GRM8: variants seen among roughly 807,000 people sequenced by gnomAD.
GRM8 encodes metabotropic glutamate receptor 8.
A neutral mutation model predicts 87.2 loss-of-function variants in GRM8; 47 were observed. The observed-to-expected ratio is 0.54, with a 90% CI of 0.43 to 0.69. The LOEUF (loss-of-function observed/expected upper bound fraction) is 0.69. Among genes scored for constraint, GRM8 ranks in the 30% least tolerant of loss-of-function variants. The pLI, the probability that GRM8 is intolerant of heterozygous loss-of-function variation, is 0.00. For missense variants in GRM8, 1,019 were observed against 1,139.2 expected (o/e 0.89, Z 1.52); for synonymous variants, 396 against 404.5 (o/e 0.98, Z 0.25).
intron 8 of GRM8, among the ~76,000 whole-genome samples, chr7:126,547,324 G>C (rs534693851): frequency 1.2e-4 from 18 of 152,204 alleles, no homozygotes; most frequent in African/African-American, 4.1e-4. Flanking sequence ...TTTCCCCAAT[G>C]CATGGAGAGG....
intron 3 of GRM8, among the ~76,000 whole-genome samples, chr7:127,015,689 T>C (rs1197757584): frequency 1.3e-5 from 2 of 152,110 alleles, no homozygotes; most frequent in African/African-American, 4.8e-5. Context: ...AAAGAGAATG[T>C]TCCTTATATA....
chr7:126,533,694 T>C lies in GRM8; in HGVS notation c.1688A>G (p.Asn563Ser), dbSNP rs754743487. The C allele has an allele frequency of 1.2e-6, 2 of 1,614,136 alleles. No homozygotes were observed. Among genetic ancestry groups the C allele is most frequent in the African/African-American group, 1.3e-5 (1 of 75,050 alleles). The change falls in exon 9 of 11, where the codon AAC becomes AGC. Residue 563 changes from asparagine (N) to serine (S), a missense_variant. Physicochemically the swap from Asn to Ser is conservative, Grantham distance 46. Coordinates refer to ENST00000339582, the MANE Select transcript of GRM8 (RefSeq NM_000845.3). The part of the protein sequence containing the change: ...CELCPLDQRP[N>S]MNRTGCQLIP... ...AAGCTGGCAGCCTGTGCGGTTCATG[T>C]TGGGTCTCTGATCCAGAGGGCAAAG...
chr7:126,938,110 C>T (rs531561209), intron 3 of GRM8, among the ~76,000 whole-genome samples: 1 of 152,272 alleles, frequency 6.6e-6, no homozygotes, highest in South Asian at 2.1e-4. Context: ...ACATTTTGGC[C>T]AATAAAATAT....
At chr7:126,657,979 T>C (rs527498878) in intron 7 of GRM8, among the ~76,000 whole-genome samples, 43 of 152,398 alleles carry the variant, frequency 2.8e-4, no homozygotes, top group Admixed American at 5.2e-4. Flanking sequence ...CTAACGGTTA[T>C]ATTAATTTTT....
At position 126,562,914 on chromosome 7, in the gene GRM8, A is replaced by G. The variant is rs192363741; in HGVS notation, c.1495-29027T>C. On this transcript the variant is annotated intron_variant, in intron 8 of 10. Coordinates refer to ENST00000339582, the MANE Select transcript of GRM8 (RefSeq NM_000845.3). ...CTCCATCTCAAATAAATAAATAAGCAAAGGTTTTAAATAAACAAGCTCTAA... is the reference window on the plus strand; with the variant it reads ...CTCCATCTCAAATAAATAAATAAGCGAAGGTTTTAAATAAACAAGCTCTAA... 4.5e-4 allele frequency among the ~76,000 whole-genome samples: 69 copies of G among 152,316 alleles called. 1 individual carries two copies. The highest frequency in any genetic ancestry group is 1.5e-3 in the African/African-American group (62 of 41,588).
chr7:126,828,263 AT>A (rs1396469565), intron 6 of GRM8, among the ~76,000 whole-genome samples: 1 of 152,094 alleles, frequency 6.6e-6, no homozygotes. Flanking sequence ...TTTTCTATTG[AT>A]TAGAATAGTT....
At chr7:126,785,428 A>G (rs1820525133) in intron 6 of GRM8, among the ~76,000 whole-genome samples, 1 of 152,048 alleles carries the variant, frequency 6.6e-6, no homozygotes, top group South Asian at 2.1e-4. Flanking sequence ...CTTCATACCA[A>G]TTCACCACTT....
At chr7:127,250,605 T>C (rs1289276046) in intron 1 of GRM8, among the ~76,000 whole-genome samples, 3 of 152,212 alleles carry the variant, frequency 2.0e-5, no homozygotes, top group Non-Finnish European at 4.4e-5. Flanking sequence ...CTTGGTTCAT[T>C]TTCCCTGACG....
At chr7:126,524,995 G>A (rs1356523353) in intron 9 of GRM8, among the ~76,000 whole-genome samples, 1 of 151,822 alleles carries the variant, frequency 6.6e-6, no homozygotes, top group East Asian at 1.9e-4. Flanking sequence ...AGTTAATGCT[G>A]TTTTGTTTCT....
chr7:126,790,060 T>A (rs971827848), intron 6 of GRM8, among the ~76,000 whole-genome samples: 3 of 151,404 alleles, frequency 2.0e-5, no homozygotes, highest in African/African-American at 7.3e-5. Flanking sequence ...CAGGCTGGAG[T>A]GCAATGGCAC....
At chr7:126,727,814 T>G (rs531869147) in intron 7 of GRM8, among the ~76,000 whole-genome samples, 85 of 152,062 alleles carry the variant, frequency 5.6e-4, no homozygotes, top group African/African-American at 2.0e-3. Context: ...TCCCACAACC[T>G]TTAAGACATA....
rs1046758210 is a variant in GRM8, at chr7:127,107,484, T to C, written c.511-772A>G. ...TAATGTGGGAGAGTGAGCTATGTGA[T>C]TGTGTATAGTAACTCCTCTGCTGCC... On this transcript the variant is annotated intron_variant, in intron 2 of 10. Transcript: ENST00000339582. Among the ~76,000 whole-genome samples, 3 of 152,192 alleles carry C rather than the reference T, an allele frequency of 2.0e-5. No individual in the cohort carries two copies. In the East Asian group the frequency reaches 5.8e-4, roughly 29 times the overall value.
intron 2 of GRM8, among the ~76,000 whole-genome samples, chr7:127,123,643 T>C (rs1827202882): frequency 6.6e-6 from 1 of 152,196 alleles, no homozygotes; most frequent in African/African-American, 2.4e-5. Flanking sequence ...GCCTCAGGTA[T>C]TCCTTTATAG....
At chr7:126,937,504 G>A (rs1806462007) in intron 3 of GRM8, among the ~76,000 whole-genome samples, 1 of 152,158 alleles carries the variant, frequency 6.6e-6, no homozygotes, top group East Asian at 1.9e-4. Context: ...AAGGAGGGAA[G>A]CTACCAATGA....
chr7:127,059,627 C>T (rs6973495), intron 3 of GRM8, among the ~76,000 whole-genome samples: 2,211 of 152,206 alleles, frequency 0.015, 48 homozygotes, highest in African/African-American at 0.049. Flanking sequence ...TGAGCCACCG[C>T]GCCCGGCCCA....
chr7:126,492,208 G>A (rs1808096973), intron 9 of GRM8, among the ~76,000 whole-genome samples: 1 of 151,876 alleles, frequency 6.6e-6, no homozygotes, highest in Non-Finnish European at 1.5e-5. Flanking sequence ...GCACCACCAT[G>A]CCTGGATAAT....
intron 7 of GRM8, among the ~76,000 whole-genome samples, chr7:126,631,594 G>T (rs1801267454): frequency 6.6e-6 from 1 of 151,252 alleles, no homozygotes; most frequent in African/African-American, 2.4e-5. Context: ...GTAAGAAAAA[G>T]GAACAAACCT....
At chr7:126,884,837 CTG>C (rs1321108867) in intron 6 of GRM8, among the ~76,000 whole-genome samples, 1 of 152,126 alleles carries the variant, frequency 6.6e-6, no homozygotes, top group Non-Finnish European at 1.5e-5. Context: ...AAATGTACAA[CTG>C]TAACTGTAAT....
chr7:126,947,028 T>C (rs1297229887), intron 3 of GRM8, among the ~76,000 whole-genome samples: 2 of 152,206 alleles, frequency 1.3e-5, no homozygotes, highest in Admixed American at 6.5e-5. Context: ...TCATCTTCCA[T>C]GAAGCTGGAG....
Sources: gnomAD v4.1 joint callset for allele counts (sites outside exome capture counted in the v4.1 genomes callset) on GRCh38, gnomAD v4.1.1 for gene constraint, MANE v1.5 for transcripts, NCBI Gene and HGNC (gene_info 2026-07-23, HGNC 2026-07-21) for gene names.